The following LINC00632 variants were observed in gnomAD, a reference collection of about 807,000 sequenced individuals.
LINC00632 encodes long independently transcribed non-coding RNA 632.
exon 4 of LINC00632, among the ~76,000 whole-genome samples, chrX:140,773,191 AAAGAG>A (rs762021795): frequency 9.4e-5 from 10 of 106,661 alleles, no homozygotes; most frequent in Non-Finnish European, 9.4e-5. Flanking sequence ...AGAGAAGAGA[AAAGAG>A]AAGAGAAGAA....
chrX:140,763,737 A>T (rs1931638534), intron 3 of LINC00632, among the ~76,000 whole-genome samples: 1 of 111,849 alleles, frequency 8.9e-6, no homozygotes. Flanking sequence ...CATTAAAACA[A>T]CTGTATGGCA....
intron 2 of LINC00632, among the ~76,000 whole-genome samples, chrX:140,718,692 T>C (rs996135494): frequency 1.8e-5 from 2 of 111,762 alleles, no homozygotes; most frequent in African/African-American, 3.3e-5. Context: ...ATTACAGGCA[T>C]GAGCCACCGC....
chrX:140,724,750 TAC>T (rs749101287), intron 2 of LINC00632, among the ~76,000 whole-genome samples: 10 of 8,126 alleles, frequency 1.2e-3, no homozygotes, highest in East Asian at 9.3e-3. Flanking sequence ...ATTCCCTACA[TAC>T]ACACACAGAC....
intron 3 of LINC00632, among the ~76,000 whole-genome samples, chrX:140,769,304 A>G (rs772189199): frequency 4.6e-4 from 51 of 111,653 alleles, no homozygotes; most frequent in South Asian, 1.9e-3. Context: ...ATAGGCCCCA[A>G]TTGCTCCTTC....
At chrX:140,740,626 A>C (rs753671625) in intron 3 of LINC00632, among the ~76,000 whole-genome samples, 1 of 110,773 alleles carries the variant, frequency 9.0e-6, no homozygotes, top group Non-Finnish European at 1.9e-5. Flanking sequence ...TTACATTAAG[A>C]CTTAGGTATT....
At chrX:140,784,456 G>T in exon 5 of LINC00632, 1 of 1,064,817 alleles carries the variant, frequency 9.4e-7, no homozygotes, top group Non-Finnish European at 1.3e-6. Context: ...TATATCTCCA[G>T]GTCTTCCAGC....
intron 2 of LINC00632, chrX:140,714,141 G>A (rs1047698477): frequency 5.9e-6 from 1 of 170,244 alleles, no homozygotes; most frequent in African/African-American, 3.1e-5. Context: ...TCTTGCCAAT[G>A]AAACAGACTT....
At chrX:140,789,619 G>T (rs1223221413) in exon 5 of LINC00632, among the ~76,000 whole-genome samples, 1 of 112,063 alleles carries the variant, frequency 8.9e-6, no homozygotes, top group African/African-American at 3.2e-5. Context: ...CATGCTGAAT[G>T]CTATTATTTT....
rs769916983 is a variant in LINC00632, at chrX:140,784,037, A to T, written n.12056A>T. 5 of 1,209,326 alleles carry T rather than the reference A, an allele frequency of 4.1e-6. No individual in the cohort carries two copies. The African/African-American group carries it at 8.8e-5, about 21-fold the overall frequency. On this transcript the variant is annotated non_coding_transcript_exon_variant, in exon 5 of 5. Coordinates refer to ENST00000648200, the Ensembl canonical transcript of LINC00632. ...CCCTTAAATCTATAGCTTCCAAAAAATCCGGGTCTTCCAGGAAATCCGTGT... is the reference window on the plus strand; with the variant it reads ...CCCTTAAATCTATAGCTTCCAAAAATTCCGGGTCTTCCAGGAAATCCGTGT...
chrX:140,736,433 C>CTTTTTTT (rs1569350901), intron 3 of LINC00632, among the ~76,000 whole-genome samples: 1 of 84,369 alleles, frequency 1.2e-5, no homozygotes, highest in Non-Finnish European at 2.3e-5. Flanking sequence ...TTTTCTTCTT[C>CTTTTTTT]TTCTTTTTTT....
chrX:140,771,665 G>A (rs7055822), intron 3 of LINC00632, among the ~76,000 whole-genome samples: 14 of 41,027 alleles, frequency 3.4e-4, no homozygotes, highest in African/African-American at 1.4e-3. Context: ...GTGTGTGTGT[G>A]TATATATATA....
intron 3 of LINC00632, chrX:140,734,098 T>A (rs911237692): frequency 1.8e-5 from 2 of 112,380 alleles, no homozygotes; most frequent in Non-Finnish European, 3.8e-5. Context: ...TAGAAATTTT[T>A]AAAAAGTCAT....
intron 3 of LINC00632, among the ~76,000 whole-genome samples, chrX:140,769,321 A>G (rs1931750744): frequency 9.0e-6 from 1 of 111,339 alleles, no homozygotes; most frequent in Non-Finnish European, 1.9e-5. Flanking sequence ...CTTCATCTAC[A>G]TTTGCTTCAG....
intron 2 of LINC00632, among the ~76,000 whole-genome samples, chrX:140,715,872 CTGAGACTCACCCTAAA>C (rs1445728179): frequency 4.5e-5 from 5 of 111,520 alleles, no homozygotes; most frequent in Non-Finnish European, 1.9e-5. Flanking sequence ...CCACCGAGCA[CTGAGACTCACCCTAAA>C]TGTACAGACA....
intron 3 of LINC00632, among the ~76,000 whole-genome samples, chrX:140,747,896 C>T (rs1318524315): frequency 9.0e-6 from 1 of 111,719 alleles, no homozygotes; most frequent in Non-Finnish European, 1.9e-5. Context: ...GGCGTGATCT[C>T]GGCTCACTGC....
intron 2 of LINC00632, among the ~76,000 whole-genome samples, chrX:140,725,696 C>T (rs988108768): frequency 1.8e-5 from 2 of 111,833 alleles, no homozygotes; most frequent in South Asian, 7.4e-4. Context: ...AAATACCCAG[C>T]CTTACGCCAT....
chrX:140,716,611 C>T (rs1187537708), intron 2 of LINC00632, among the ~76,000 whole-genome samples: 2 of 110,194 alleles, frequency 1.8e-5, no homozygotes, highest in Non-Finnish European at 3.8e-5. Context: ...TACCCACATA[C>T]CCTACAGACC....
At chrX:140,742,422 T>C (rs990234442) in intron 3 of LINC00632, among the ~76,000 whole-genome samples, 4 of 111,646 alleles carry the variant, frequency 3.6e-5, no homozygotes, top group African/African-American at 9.8e-5. Flanking sequence ...GTGAGGATTA[T>C]TAATTCACGG....
At position 140,778,991 on chromosome X, in the gene LINC00632, C is replaced by T. The variant is rs771541070; in HGVS notation, n.7010C>T. Reference sequence around the variant, plus strand: ...GGTTGAGTTGAACAGGTCAGCAAAACTTGTAGGAGGATGAGAAAGTTTGAT... The same window carrying T: ...GGTTGAGTTGAACAGGTCAGCAAAATTTGTAGGAGGATGAGAAAGTTTGAT... On this transcript the variant is annotated non_coding_transcript_exon_variant, in exon 5 of 5. Coordinates refer to ENST00000648200, the Ensembl canonical transcript of LINC00632. Among the ~76,000 whole-genome samples, 162 of 111,904 alleles carry T rather than the reference C, an allele frequency of 1.4e-3. 1 individual carries two copies. Among genetic ancestry groups the T allele is most frequent in the Middle Eastern group, 4.7e-3 (1 of 214 alleles).
Sources: gnomAD v4.1 joint callset for allele counts (sites outside exome capture counted in the v4.1 genomes callset) on GRCh38, gnomAD v4.1.1 for gene constraint, MANE v1.5 for transcripts, NCBI Gene and HGNC (gene_info 2026-07-23, HGNC 2026-07-21) for gene names.